Variants in RAD1 observed in about 807,000 individuals in gnomAD.
RAD1 encodes the protein cell cycle checkpoint protein RAD1.
A neutral mutation model predicts 30.0 loss-of-function variants in RAD1; 21 were observed. That is an observed-to-expected ratio of 0.70 (90% CI 0.50 to 1.01). The LOEUF is 1.01. Ranked by LOEUF, RAD1 falls within the 50% of genes least tolerant of loss-of-function variation. The pLI, the probability that RAD1 is intolerant of heterozygous loss-of-function variation, is 0.00. For missense variants in RAD1, 329 were observed against 329.0 expected (o/e 1.00, Z 0.00); for synonymous variants, 109 against 113.6 (o/e 0.96, Z 0.26).
Position 34,911,741 on chromosome 5 carries a change from C to G in RAD1, c.379G>C (p.Gly127Arg), listed in dbSNP as rs1763852689. 6.2e-7 allele frequency: 1 copy of G among 1,614,072 alleles called. No individual in the cohort carries two copies. The highest frequency in any genetic ancestry group is 8.5e-7 in the Non-Finnish European group (1 of 1,180,044). ...TTGATTTTGCAGACTGTCACCACTC[C>G]TCCTTCTTCCAGGAACAGCATCAAA... is the stretch of plus-strand genomic sequence containing the variant. ...YPLMLFLEEG[G>R]VVTVCKINTQ... The change falls in exon 4 of 6, where the codon GGA becomes CGA. Residue 127 changes from glycine (G) to arginine (R), a missense_variant. Gly to Arg is a moderately radical substitution (Grantham distance 125). Coordinates refer to ENST00000382038, the MANE Select transcript of RAD1 (RefSeq NM_002853.4).
intron 2 of RAD1, 180 bp downstream of exon 2, chr5:34,914,515 T>A: frequency 1.6e-6 from 1 of 644,630 alleles, no homozygotes; most frequent in East Asian, 2.8e-5. Context: ...AGAAAAAAAA[T>A]TCAAGTAATG....
intron 3 of RAD1, 133 bp downstream of exon 3, chr5:34,913,337 C>T: frequency 2.1e-6 from 1 of 475,456 alleles, no homozygotes; most frequent in Admixed American, 3.8e-5. Flanking sequence ...AATGTTAGAA[C>T]CCATGACTGT....
rs1763672164 is a variant in RAD1, at chr5:34,906,979, C to A, written c.*1786G>T. The A allele has an allele frequency of 1.3e-5, 2 of 152,094 alleles. No individual in the cohort carries two copies. Among genetic ancestry groups the A allele is most frequent in the South Asian group, 4.1e-4 (2 of 4,828 alleles). The allele number at this position is 152,094 out of a possible 1,614,324, so 9.4% of individuals were successfully genotyped here. The stretch of plus-strand genomic sequence containing the variant: ...AATTCATTTGTTTCCTTCTTGAATA[C>A]AAACATTTTAGAAAATTCCAACTTC... On this transcript the variant is annotated 3_prime_UTR_variant, in exon 6 of 6. Coordinates refer to ENST00000382038, the MANE Select transcript of RAD1 (RefSeq NM_002853.4).
At chr5:34,914,627 C>T in intron 2 of RAD1, 68 bp downstream of exon 2, 1 of 1,488,472 alleles carries the variant, frequency 6.7e-7, no homozygotes, top group South Asian at 1.1e-5. Context: ...TCTACTGAAA[C>T]CTTCCGATTT....
In RAD1 at chr5:34,905,600, AAGAT is replaced by A. The variant is rs1263277006; in HGVS notation, c.*3161_*3164del. The A allele has an allele frequency of 1.3e-5, 2 of 152,202 alleles. No homozygotes were observed. Among genetic ancestry groups the A allele is most frequent in the Non-Finnish European group, 2.9e-5 (2 of 68,036 alleles). 9.4% of individuals were successfully genotyped at this position (152,202 alleles called of 1,614,324 possible). A position where few individuals can be genotyped will look rare whatever the true frequency, so the allele number is the denominator to read the frequency against. On this transcript the variant is annotated 3_prime_UTR_variant, in exon 6 of 6. Transcript: ENST00000382038. Reference sequence around the variant, plus strand: ...AATCAACAAATGAAAAATGAAAAAAAAGATTATCCATTCACAGTAAGCACCATTT... The same window carrying A: ...AATCAACAAATGAAAAATGAAAAAAATATCCATTCACAGTAAGCACCATTT...
chr5:34,908,973 G>C, intron 5 of RAD1, 25 bp from the exon 6 acceptor site: 1 of 1,574,016 alleles, frequency 6.4e-7, no homozygotes, highest in Non-Finnish European at 8.6e-7. Flanking sequence ...ATAAAACGCT[G>C]TTATATCAAC....
intron 2 of RAD1, 195 bp downstream of exon 2, chr5:34,914,500 G>A (rs1763974781): frequency 1.7e-6 from 1 of 601,454 alleles, no homozygotes; most frequent in Non-Finnish European, 2.9e-6. Flanking sequence ...ATTTGTTACC[G>A]GGAGAGAAAA....
chr5:34,912,689 A>T (rs990920128), intron 3 of RAD1, among the ~76,000 whole-genome samples: 16 of 152,148 alleles, frequency 1.1e-4, no homozygotes, highest in African/African-American at 3.6e-4. Context: ...CAAATAAAAA[A>T]ATATATATTT....
At position 34,905,280 on chromosome 5, in the gene RAD1, T is replaced by C. The variant is rs944465048; in HGVS notation, c.*3485A>G. ...TCCGATTTCTCAGGACCCAATAGAT[T>C]TTATTTCAGGTGGGGATAAGGGACA... On this transcript the variant is annotated 3_prime_UTR_variant, in exon 6 of 6. Coordinates refer to ENST00000382038, the MANE Select transcript of RAD1 (RefSeq NM_002853.4). The C allele has an allele frequency of 2.0e-5, 3 of 152,192 alleles. No individual in the cohort carries two copies. The highest frequency in any genetic ancestry group is 7.2e-5 in the African/African-American group (3 of 41,452). 9.4% of individuals were successfully genotyped at this position (152,192 alleles called of 1,614,324 possible).
intron 1 of RAD1, 106 bp downstream of exon 1, chr5:34,915,310 A>G (rs979398250): frequency 2.9e-5 from 8 of 272,098 alleles, no homozygotes; most frequent in Non-Finnish European, 7.0e-6. Context: ...GCGGGCCCGG[A>G]GTGTCCAGAT....
At chr5:34,914,154 A>G (rs1763957275) in intron 2 of RAD1, 4 of 322,746 alleles carry the variant, frequency 1.2e-5, no homozygotes, top group South Asian at 1.0e-4. Flanking sequence ...TTACTTTGGA[A>G]GAACAAAAAT....
chr5:34,912,567 T>C (rs1763879420), intron 3 of RAD1, among the ~76,000 whole-genome samples: 1 of 152,230 alleles, frequency 6.6e-6, no homozygotes, highest in South Asian at 2.1e-4. Context: ...TATTGAATTT[T>C]TCCTAGCTAA....
chr5:34,909,247 T>C lies in RAD1; in HGVS notation c.665+11A>G. 1 of 1,567,270 alleles carries C rather than the reference T, an allele frequency of 6.4e-7. No individual in the cohort carries two copies. Among genetic ancestry groups the C allele is most frequent in the African/African-American group, 1.4e-5 (1 of 73,900 alleles). On this transcript the variant is annotated intron_variant, in intron 5 of 5. Coordinates refer to ENST00000382038, the MANE Select transcript of RAD1 (RefSeq NM_002853.4). ...TTATCACCAATGACAACCTCTATAT[T>C]AAGAACTGACCTGTTGACTTGGGTC...
intron 2 of RAD1, 38 bp from the exon 3 acceptor site, chr5:34,913,616 G>A: frequency 7.9e-7 from 1 of 1,258,140 alleles, no homozygotes; most frequent in Non-Finnish European, 1.1e-6. Flanking sequence ...TTACATAAAA[G>A]AATAAAAACT....
Position 34,914,726 on chromosome 5 carries a change from G to A in RAD1, c.167C>T (p.Ala56Val). The change falls in exon 2 of 6, where the codon GCA becomes GTA. Residue 56 changes from alanine (A) to valine (V), a missense_variant. Ala to Val is a moderately conservative substitution (Grantham distance 64). Coordinates refer to ENST00000382038, the MANE Select transcript of RAD1 (RefSeq NM_002853.4). ...KNGIKVTVEN[A>V]KCVQANAFIQ... ...AAAAGCATTTGCTTGCACACACTTT[G>A]CATTTTCCACTGTTACTTTGATACC... 6.2e-7 allele frequency: 1 copy of A among 1,614,102 alleles called. No homozygotes were observed. Among genetic ancestry groups the A allele is most frequent in the Non-Finnish European group, 8.5e-7 (1 of 1,179,944 alleles).
chr5:34,914,567 GTTAT>G, intron 2 of RAD1, 124 bp downstream of exon 2: 1 of 823,528 alleles, frequency 1.2e-6, no homozygotes, highest in Non-Finnish European at 1.9e-6. Flanking sequence ...TATTTATTAA[GTTAT>G]TTATTATGAC....
intron 4 of RAD1, 88 bp downstream of exon 4, chr5:34,911,463 GGAT>G (rs1763835633): frequency 6.9e-7 from 1 of 1,452,342 alleles, no homozygotes; most frequent in Non-Finnish European, 9.3e-7. Context: ...CTAAAAATGT[GGAT>G]AATAAAAATT....
At chr5:34,914,092 GTGT>G in intron 2 of RAD1, 1 of 426,624 alleles carries the variant, frequency 2.3e-6, no homozygotes, top group Middle Eastern at 3.4e-4. Context: ...GTGCACTTAC[GTGT>G]TAAAAAACGC....
intron 3 of RAD1, 54 bp downstream of exon 3, chr5:34,913,416 T>C: frequency 9.5e-7 from 1 of 1,052,014 alleles, no homozygotes; most frequent in South Asian, 2.1e-5. Flanking sequence ...CTTCCTGTAT[T>C]TTTCTGACCA....
Sources: gnomAD v4.1 joint callset for allele counts (sites outside exome capture counted in the v4.1 genomes callset) on GRCh38, gnomAD v4.1.1 for gene constraint, MANE v1.5 for transcripts, NCBI Gene and HGNC (gene_info 2026-07-23, HGNC 2026-07-21) for gene names.